The following GSTCD variants were observed in gnomAD, a reference collection of about 807,000 sequenced individuals.
GSTCD encodes the protein glutathione S-transferase C-terminal domain containing.
In GSTCD, 44 loss-of-function variants were observed where a neutral mutation model predicts 68.3. The observed-to-expected ratio is 0.64, with a 90% CI of 0.51 to 0.83. The LOEUF is 0.83. Among genes scored for constraint, GSTCD ranks in the 40% least tolerant of loss-of-function variants. GSTCD has a pLI of 0.00. For synonymous variants in GSTCD, 273 were observed against 255.2 expected (o/e 1.07, Z -0.67); for missense variants, 739 against 735.9 (o/e 1.00, Z -0.05).
At chr4:105,775,058 T>C (rs1017654179) in intron 5 of GSTCD, among the ~76,000 whole-genome samples, 1 of 152,200 alleles carries the variant, frequency 6.6e-6, no homozygotes, top group Non-Finnish European at 1.5e-5. Context: ...TCATTCCTTT[T>C]CATTCTTTTT....
At chr4:105,718,787 G>C (rs938618852) in intron 2 of GSTCD, among the ~76,000 whole-genome samples, 9 of 152,048 alleles carry the variant, frequency 5.9e-5, no homozygotes, top group African/African-American at 2.2e-4. Flanking sequence ...TGCTTATTGT[G>C]GGGGCTAGGA....
At chr4:105,776,617 T>G (rs1488784166) in intron 5 of GSTCD, among the ~76,000 whole-genome samples, 1 of 152,120 alleles carries the variant, frequency 6.6e-6, no homozygotes, top group Non-Finnish European at 1.5e-5. Flanking sequence ...TTGCACTTCA[T>G]CGGTGAGGCA....
chr4:105,750,475 A>AG (rs1372606613), intron 5 of GSTCD, among the ~76,000 whole-genome samples: 65 of 151,922 alleles, frequency 4.3e-4, no homozygotes, highest in African/African-American at 1.5e-3. Flanking sequence ...AAAAAAAAAA[A>AG]AAAAGAAAAG....
intron 3 of GSTCD, among the ~76,000 whole-genome samples, chr4:105,721,635 G>A (rs1330757519): frequency 6.6e-6 from 1 of 151,992 alleles, no homozygotes; most frequent in Non-Finnish European, 1.5e-5. Flanking sequence ...AAGTAGAATC[G>A]ATGAGGTGTT....
At chr4:105,771,704 C>G (rs1426654659) in intron 5 of GSTCD, among the ~76,000 whole-genome samples, 5 of 151,998 alleles carry the variant, frequency 3.3e-5, no homozygotes, top group African/African-American at 1.2e-4. Context: ...ACTTCTGAGG[C>G]CTCTGTTCTG....
intron 1 of GSTCD, among the ~76,000 whole-genome samples, chr4:105,710,375 C>T (rs1287558916): frequency 1.4e-5 from 2 of 147,456 alleles, no homozygotes; most frequent in African/African-American, 5.0e-5. Flanking sequence ...CGCCCACAAT[C>T]ACACTCGGCT....
chr4:105,807,047 C>T (rs966647154), intron 5 of GSTCD: 1 of 152,108 alleles, frequency 6.6e-6, no homozygotes, highest in African/African-American at 2.4e-5. Flanking sequence ...ATATTCATGA[C>T]TTCATCTTCT....
intron 5 of GSTCD, among the ~76,000 whole-genome samples, chr4:105,740,710 G>A (rs1733605117): frequency 6.6e-6 from 1 of 152,034 alleles, no homozygotes; most frequent in South Asian, 2.1e-4. Context: ...CGTCTTTTCA[G>A]AGGGAATATA....
intron 4 of GSTCD, among the ~76,000 whole-genome samples, chr4:105,728,335 AC>A (rs1460486282): frequency 2.0e-5 from 3 of 152,104 alleles, no homozygotes; most frequent in Non-Finnish European, 4.4e-5. Flanking sequence ...TTTTAAAAAG[AC>A]CCTAAAGTAA....
At chr4:105,759,816 A>C (rs1041826933) in intron 5 of GSTCD, among the ~76,000 whole-genome samples, 3 of 152,180 alleles carry the variant, frequency 2.0e-5, no homozygotes, top group African/African-American at 7.2e-5. Flanking sequence ...TGTGGACTTA[A>C]ACAAAAAATT....
At chr4:105,728,813 G>A (rs1733131161) in intron 4 of GSTCD, among the ~76,000 whole-genome samples, 1 of 152,104 alleles carries the variant, frequency 6.6e-6, no homozygotes. Context: ...CAGCTTCTAA[G>A]ATGGAGAAGG....
intron 5 of GSTCD, among the ~76,000 whole-genome samples, chr4:105,767,601 ATTC>A (rs1371595177): frequency 2.8e-4 from 43 of 152,264 alleles, no homozygotes; most frequent in African/African-American, 1.0e-3. Flanking sequence ...ATTTTTGCAT[ATTC>A]TTCTAACAAG....
chr4:105,725,079 A>G (rs1040655086), intron 3 of GSTCD, among the ~76,000 whole-genome samples: 2 of 152,092 alleles, frequency 1.3e-5, no homozygotes, highest in African/African-American at 4.8e-5. Context: ...ACAATTGAAT[A>G]TAAGATGTAA....
chr4:105,745,050 A>G (rs964851774), intron 5 of GSTCD, among the ~76,000 whole-genome samples: 3 of 152,218 alleles, frequency 2.0e-5, no homozygotes, highest in Admixed American at 6.5e-5. Flanking sequence ...AAATCTAACA[A>G]TACAGGATTC....
At chr4:105,802,230 A>T (rs151319861) in intron 5 of GSTCD, among the ~76,000 whole-genome samples, 1 of 152,082 alleles carries the variant, frequency 6.6e-6, no homozygotes, top group African/African-American at 2.4e-5. Context: ...ATATGTTTCT[A>T]CTGCCTTCAT....
chr4:105,761,169 A>T (rs1427285343), intron 5 of GSTCD: 1 of 181,688 alleles, frequency 5.5e-6, no homozygotes, highest in South Asian at 8.9e-5. Flanking sequence ...ATATCTGGCT[A>T]ATTTTTGTAT....
chr4:105,741,531 AAC>A, intron 5 of GSTCD, among the ~76,000 whole-genome samples: 1 of 152,340 alleles, frequency 6.6e-6, no homozygotes, highest in East Asian at 1.9e-4. Flanking sequence ...AAGAAATGAA[AAC>A]AGAGTTTTCT....
At chr4:105,767,182 T>G (rs1273311320) in intron 5 of GSTCD, among the ~76,000 whole-genome samples, 4 of 152,258 alleles carry the variant, frequency 2.6e-5, no homozygotes, top group South Asian at 4.1e-4. Context: ...GCTGGGTGTT[T>G]GCTTTATTTG....
intron 5 of GSTCD, among the ~76,000 whole-genome samples, chr4:105,732,452 C>T (rs1344881751): frequency 6.6e-6 from 1 of 152,148 alleles, no homozygotes; most frequent in Non-Finnish European, 1.5e-5. Context: ...TTGTCCATTT[C>T]TTCTAGATTT....
Sources: allele counts gnomAD v4.1 joint callset (sites outside exome capture counted in the v4.1 genomes callset), GRCh38; gene constraint gnomAD v4.1.1; transcripts MANE v1.5; gene names NCBI Gene and HGNC (gene_info 2026-07-23, HGNC 2026-07-21).